The following SPG11 variants were observed in gnomAD, a reference collection of about 807,000 sequenced individuals.
The protein encoded by SPG11 is SPG11 vesicle trafficking associated, spatacsin.
SPG11 carries 222 observed loss-of-function variants against 274.0 expected under a neutral mutation model. The ratio of observed to expected loss-of-function variants is 0.81; its 90% CI spans 0.73 to 0.91. The LOEUF is 0.91. Ranked by LOEUF, SPG11 falls within the 40% of genes least tolerant of loss-of-function variation. SPG11 has a pLI of 0.00. For synonymous variants in SPG11, 1,144 were observed against 1,039.7 expected (o/e 1.10, Z -1.93); for missense variants, 3,114 against 2,872.7 (o/e 1.08, Z -1.92).
chr15:44,645,959 T>C (rs746031584), intron 7 of SPG11, among the ~76,000 whole-genome samples: 1 of 152,132 alleles, frequency 6.6e-6, no homozygotes, highest in Non-Finnish European at 1.5e-5. Context: ...AGAATGGCTA[T>C]TATGAAAAAG....
At position 44,583,921 on chromosome 15, in the gene SPG11, CCT is replaced by C. The variant is rs771558571; in HGVS notation, c.5757_5758del (p.Glu1921SerfsTer2). On this transcript the variant is annotated frameshift_variant, in exon 30 of 40. Transcript: ENST00000261866. LOFTEE classifies it high-confidence loss of function. The stretch of plus-strand genomic sequence containing the variant: ...GTGCAGATCCTCCATACTAGCTTCC[CCT>C]GAGGCCAGTGCTCTGCAGTGCAATA... 5.6e-6 allele frequency: 9 copies of C among 1,614,206 alleles called. No individual in the cohort carries two copies. Among genetic ancestry groups the C allele is most frequent in the East Asian group, 4.5e-5 (2 of 44,882 alleles).
intron 1 of SPG11, among the ~76,000 whole-genome samples, chr15:44,661,641 G>A (rs1252267878): frequency 6.6e-6 from 1 of 151,816 alleles, no homozygotes; most frequent in Non-Finnish European, 1.5e-5. Flanking sequence ...TTTTCTGACT[G>A]TTCATATTGA....
chr15:44,563,398 G>A, intron 39 of SPG11, 97 bp from the exon 40 acceptor site: 1 of 1,157,556 alleles, frequency 8.6e-7, no homozygotes, highest in Admixed American at 1.8e-5. Flanking sequence ...GAGTGCAGAG[G>A]AGCAGTCTTG....
intron 26 of SPG11, among the ~76,000 whole-genome samples, chr15:44,593,550 T>G (rs531100816): frequency 2.0e-5 from 3 of 152,306 alleles, no homozygotes; most frequent in Non-Finnish European, 4.4e-5. Flanking sequence ...TACCTACTGT[T>G]GCCTGTGGCA....
Position 44,616,343 on chromosome 15 carries a change from C to G in SPG11, c.2835-777G>C, listed in dbSNP as rs149901912. 3.2e-3 allele frequency among the ~76,000 whole-genome samples: 489 copies of G among 151,748 alleles called. 2 individuals carry two copies. The highest frequency in any genetic ancestry group is 5.8e-3 in the Non-Finnish European group (393 of 67,932). ...ACCTCAGCCATCTGAGTAGCTGGGA[C>G]GACAGGCATGTGCCACCACACTCAG... On this transcript the variant is annotated intron_variant, in intron 15 of 39. Coordinates refer to ENST00000261866, the MANE Select transcript of SPG11 (RefSeq NM_025137.4).
intron 30 of SPG11, among the ~76,000 whole-genome samples, chr15:44,578,274 G>A (rs927322611): frequency 6.7e-6 from 1 of 149,352 alleles, no homozygotes; most frequent in Non-Finnish European, 1.5e-5. Context: ...CTCATGATCC[G>A]CCCACCTCGG....
At chr15:44,626,115 C>A (rs1005043604) in intron 11 of SPG11, among the ~76,000 whole-genome samples, 1 of 151,914 alleles carries the variant, frequency 6.6e-6, no homozygotes, top group Non-Finnish European at 1.5e-5. Flanking sequence ...TGGCCTTAAG[C>A]GATCTTCTTG....
intron 3 of SPG11, 138 bp from the exon 4 acceptor site, chr15:44,657,434 C>T: frequency 2.7e-6 from 2 of 739,042 alleles, no homozygotes; most frequent in Non-Finnish European, 4.5e-6. Context: ...CTGAGGCAAG[C>T]CCCCATTATA....
chr15:44,602,483 CT>C (rs1226587279), intron 20 of SPG11, among the ~76,000 whole-genome samples: 279 of 142,714 alleles, frequency 2.0e-3, no homozygotes, highest in Admixed American at 2.1e-3. Context: ...TGGTTTTTGT[CT>C]TTTTTTTTTT....
chr15:44,657,828 T>A (rs919677226), intron 3 of SPG11, among the ~76,000 whole-genome samples: 6 of 152,202 alleles, frequency 3.9e-5, no homozygotes, highest in African/African-American at 1.4e-4. Context: ...CCTTAAAAGT[T>A]CTCCAATGAC....
At position 44,595,945 on chromosome 15, in the gene SPG11, T is replaced by C. The variant is rs893919011; in HGVS notation, c.4434+138A>G. ...GAGCCTAAGCTAGAGAAGCACAAAA[T>C]GTTGCAGTGAACTTGGAAACACATG... On this transcript the variant is annotated intron_variant, in intron 25 of 39. Coordinates refer to ENST00000261866, the MANE Select transcript of SPG11 (RefSeq NM_025137.4). 6 of 1,155,834 alleles carry C rather than the reference T, an allele frequency of 5.2e-6. No individual in the cohort carries two copies. The African/African-American group carries it at 9.1e-5, about 18-fold the overall frequency. The allele number at this position is 1,155,834 out of a possible 1,614,324, so 71.6% of individuals were successfully genotyped here.
rs1238834882 is a variant in SPG11, at chr15:44,585,784, T to C, written c.4973A>G (p.His1658Arg). 4 of 1,613,968 alleles carry C rather than the reference T, an allele frequency of 2.5e-6. No homozygotes were observed. Among genetic ancestry groups the C allele is most frequent in the East Asian group, 2.2e-5 (1 of 44,896 alleles). Residue 1658 changes from histidine (H) to arginine (R), a missense_variant, in exon 29 of 40, where the codon CAT (histidine) becomes CGT (arginine). His to Arg is a conservative substitution (Grantham distance 29). Coordinates refer to ENST00000261866, the MANE Select transcript of SPG11 (RefSeq NM_025137.4). ...ILKDTSIAIN[H>R]TIITSYSIEN... is the part of the protein sequence containing the mutation. ...AATGCTGTAGCTGGTAATAATTGTA[T>C]GATTAATGGCTATGGATGTATCCTT...
intron 14 of SPG11, 118 bp downstream of exon 14, chr15:44,621,641 C>A: frequency 1.0e-6 from 1 of 1,002,880 alleles, no homozygotes; most frequent in Non-Finnish European, 1.5e-6. Context: ...TTTTAAAGAA[C>A]CTGAATATTA....
In SPG11 at chr15:44,584,010, A is replaced by C. The variant is rs773913255; in HGVS notation, c.5670T>G (p.Cys1890Trp). The change falls in exon 30 of 40, where the codon TGT becomes TGG. Residue 1890 changes from cysteine to tryptophan, a missense_variant. Cys to Trp is a radical substitution (Grantham distance 215, BLOSUM62 -2). Transcript: ENST00000261866. ...GGCATACTCTACTTGCTTCATGCAC[A>C]CAGCCATCATCCAGTAGGCGCCCAA... ...FLIGRLLDDGCVHEASRVCRY... is the reference protein window; with the variant it reads ...FLIGRLLDDGWVHEASRVCRY... The C allele has an allele frequency of 6.2e-7, 1 of 1,614,264 alleles. No homozygotes were observed. The highest frequency in any genetic ancestry group is 1.1e-5 in the South Asian group (1 of 91,092).
chr15:44,635,902 G>C (rs1595907576), intron 7 of SPG11, among the ~76,000 whole-genome samples: 1 of 151,352 alleles, frequency 6.6e-6, no homozygotes, highest in South Asian at 2.1e-4. Context: ...GAGTGACAGA[G>C]TGAGACTCCA....
In SPG11 at chr15:44,652,242, A is replaced by G. The variant is rs750054753; in HGVS notation, c.894T>C (p.Cys298=). The G allele has an allele frequency of 1.2e-5, 20 of 1,614,102 alleles. No individual in the cohort carries two copies. The highest frequency in any genetic ancestry group is 1.6e-5 in the Non-Finnish European group (19 of 1,179,996). The change falls in exon 5 of 40, where the codon TGT becomes TGC. Residue 298 remains cysteine, a synonymous_variant. Coordinates refer to ENST00000261866, the MANE Select transcript of SPG11 (RefSeq NM_025137.4). ...YFRQHPGHLL[C]ERILEDLPIQ... ...TAGGAAGATCTTCTAGTATTCTTTCACACAGTAGGTGTCCTGGGTGTTGCC... is the reference window on the plus strand; with the variant it reads ...TAGGAAGATCTTCTAGTATTCTTTCGCACAGTAGGTGTCCTGGGTGTTGCC...
chr15:44,585,618 A>AG lies in SPG11; in HGVS notation c.5121+17_5121+18insC. The AG allele has an allele frequency of 6.3e-7, 1 of 1,596,146 alleles. No homozygotes were observed. The highest frequency in any genetic ancestry group is 8.6e-7 in the Non-Finnish European group (1 of 1,168,808). ...CCCCGTATCTAAAAAAAAAAAAAAAAAAAAAGACCGATGATACCTCTTTAA... is the reference window on the plus strand; with the variant it reads ...CCCCGTATCTAAAAAAAAAAAAAAAAGAAAAAGACCGATGATACCTCTTTAA... On this transcript the variant is annotated intron_variant, in intron 29 of 39. Coordinates refer to ENST00000261866, the MANE Select transcript of SPG11 (RefSeq NM_025137.4).
intron 11 of SPG11, 71 bp from the exon 12 acceptor site, chr15:44,622,870 T>C (rs1295896088): frequency 9.1e-7 from 1 of 1,101,230 alleles, no homozygotes; most frequent in Non-Finnish European, 1.4e-6. Flanking sequence ...AAATATGTGT[T>C]AGATACAGAA....
chr15:44,576,142 CAAAAAAA>C (rs201558800), intron 30 of SPG11, among the ~76,000 whole-genome samples: 2 of 43,060 alleles, frequency 4.6e-5, no homozygotes, highest in Non-Finnish European at 7.8e-5. Context: ...AACTCCATCT[CAAAAAAA>C]AAAAAAAAAA....
Sources: allele counts gnomAD v4.1 joint callset (sites outside exome capture counted in the v4.1 genomes callset), GRCh38; gene constraint gnomAD v4.1.1; transcripts MANE v1.5; gene names NCBI Gene and HGNC (gene_info 2026-07-23, HGNC 2026-07-21).